TAX1BP1: variants seen among roughly 807,000 people sequenced by gnomAD.
The protein encoded by TAX1BP1 is Tax1 binding protein 1.
A neutral mutation model predicts 97.7 loss-of-function variants in TAX1BP1; 62 were observed. The observed-to-expected ratio is 0.63, with a 90% confidence interval of 0.52 to 0.78. The LOEUF (loss-of-function observed/expected upper bound fraction) is 0.78. Among genes scored for constraint, TAX1BP1 ranks in the 30% least tolerant of loss-of-function variants. The pLI is 0.00. For missense variants in TAX1BP1, 867 were observed against 916.1 expected (o/e 0.95, Z 0.69); for synonymous variants, 340 against 304.2 (o/e 1.12, Z -1.23).
At chr7:27,789,402 G>T (rs1474528575) in intron 8 of TAX1BP1, among the ~76,000 whole-genome samples, 1 of 151,270 alleles carries the variant, frequency 6.6e-6, no homozygotes, top group African/African-American at 2.4e-5. Context: ...TCTCTTCCTT[G>T]TTTTTTTAAA....
intron 9 of TAX1BP1, 110 bp downstream of exon 9, chr7:27,792,340 A>C (rs905963779): frequency 5.8e-6 from 6 of 1,028,144 alleles, no homozygotes; most frequent in Non-Finnish European, 8.4e-6. Flanking sequence ...CCTTATTTTA[A>C]ATTTAAAATT....
intron 11 of TAX1BP1, 50 bp downstream of exon 11, chr7:27,794,496 C>T: frequency 6.8e-7 from 1 of 1,481,200 alleles, no homozygotes; most frequent in East Asian, 2.4e-5. Context: ...TTGAAAAGTA[C>T]TTATACTGCC....
intron 4 of TAX1BP1, 134 bp from the exon 5 acceptor site, chr7:27,769,542 T>C (rs1209710896): frequency 3.0e-6 from 2 of 666,720 alleles, no homozygotes; most frequent in Non-Finnish European, 4.9e-6. Context: ...CTGATTGATA[T>C]AAAGTAGGTA....
At chr7:27,782,668 G>A (rs1175290010) in intron 5 of TAX1BP1, among the ~76,000 whole-genome samples, 1 of 152,142 alleles carries the variant, frequency 6.6e-6, no homozygotes, top group Non-Finnish European at 1.5e-5. Context: ...TTTGAGAAAA[G>A]CCAGATTAAG....
intron 4 of TAX1BP1, among the ~76,000 whole-genome samples, chr7:27,767,667 A>G (rs548659785): frequency 3.0e-4 from 46 of 152,226 alleles, no homozygotes; most frequent in African/African-American, 1.0e-3. Flanking sequence ...CTTTTTGAAT[A>G]CTTATTAGAC....
Position 27,794,393 on chromosome 7 carries a change from C to A in TAX1BP1, c.1481C>A (p.Thr494Lys). 6.2e-7 allele frequency: 1 copy of A among 1,613,214 alleles called. No homozygotes were observed. Among genetic ancestry groups the A allele is most frequent in the Non-Finnish European group, 8.5e-7 (1 of 1,179,554 alleles). Residue 494 changes from threonine to lysine, a missense_variant, in exon 11 of 17, where the codon ACA (threonine) becomes AAA (lysine). Physicochemically the swap from Thr to Lys is moderately conservative, Grantham distance 78. Coordinates refer to ENST00000396319, the MANE Select transcript of TAX1BP1 (RefSeq NM_006024.7). The stretch of plus-strand genomic sequence containing the variant: ...AAAGTGAATGATGCTTCAGTAAACA[C>A]AGACCCAGCCACTTCTGCCTCTACT... ...QQKVNDASVNTDPATSASTVD... is the reference protein window; with the variant it reads ...QQKVNDASVNKDPATSASTVD...
intron 4 of TAX1BP1, 26 bp from the exon 5 acceptor site, chr7:27,769,650 A>C: frequency 6.4e-7 from 1 of 1,560,172 alleles, no homozygotes; most frequent in Middle Eastern, 2.1e-4. Flanking sequence ...CAAAAAACTA[A>C]TTAATCTGAG....
At chr7:27,769,054 C>A (rs1788747304) in intron 4 of TAX1BP1, among the ~76,000 whole-genome samples, 1 of 151,676 alleles carries the variant, frequency 6.6e-6, no homozygotes, top group East Asian at 1.9e-4. Flanking sequence ...ATTAGCTGTT[C>A]CCATAAGAAT....
At chr7:27,769,491 T>G (rs1427799119) in intron 4 of TAX1BP1, among the ~76,000 whole-genome samples, 185 bp from the exon 5 acceptor site, 2 of 151,960 alleles carry the variant, frequency 1.3e-5, no homozygotes, top group Non-Finnish European at 2.9e-5. Flanking sequence ...AGGTTTAAAT[T>G]TATGATTGAT....
At chr7:27,766,896 A>C (rs1157193734) in intron 4 of TAX1BP1, among the ~76,000 whole-genome samples, 1 of 152,158 alleles carries the variant, frequency 6.6e-6, no homozygotes, top group Non-Finnish European at 1.5e-5. Context: ...TGTACTTCTG[A>C]TGAAATGAAT....
intron 15 of TAX1BP1, among the ~76,000 whole-genome samples, chr7:27,819,270 A>G (rs1210599730): frequency 6.6e-6 from 1 of 152,198 alleles, no homozygotes; most frequent in African/African-American, 2.4e-5. Flanking sequence ...CATTAAAAAA[A>G]AAAGAAAAAA....
chr7:27,803,915 A>G (rs2391486), intron 13 of TAX1BP1, among the ~76,000 whole-genome samples: 85,868 of 152,070 alleles, frequency 0.56, 24,504 homozygotes, highest in Non-Finnish European at 0.61. Flanking sequence ...TTTTTACTTT[A>G]AAGAACAATT....
At chr7:27,819,713 T>C (rs1380051264) in intron 15 of TAX1BP1, among the ~76,000 whole-genome samples, 7 of 152,188 alleles carry the variant, frequency 4.6e-5, no homozygotes, top group Non-Finnish European at 8.8e-5. Context: ...CCATCATAAG[T>C]TGAGGAAGGT....
At chr7:27,773,310 TC>T (rs1180121547) in intron 5 of TAX1BP1, among the ~76,000 whole-genome samples, 1 of 152,128 alleles carries the variant, frequency 6.6e-6, no homozygotes, top group East Asian at 1.9e-4. Context: ...CATTTGTGTA[TC>T]ATAAAGTTCA....
intron 13 of TAX1BP1, among the ~76,000 whole-genome samples, chr7:27,813,662 G>A (rs73075329): frequency 0.077 from 11,767 of 152,016 alleles, 653 homozygotes; most frequent in Middle Eastern, 0.12. Context: ...TTGAGATAGG[G>A]TCTCACTATG....
chr7:27,791,999 T>G lies in TAX1BP1; in HGVS notation c.1039-7T>G. ...GAATTACAAATATATTTATCTGCTT[T>G]CTTCAGGAAGATACTTGTTTTTTAA... is the stretch of plus-strand genomic sequence containing the variant. On this transcript the variant is annotated splice_region_variant and splice_polypyrimidine_tract_variant and intron_variant, in intron 8 of 16. Coordinates refer to ENST00000396319, the MANE Select transcript of TAX1BP1 (RefSeq NM_006024.7). 1 of 1,612,336 alleles carries G rather than the reference T, an allele frequency of 6.2e-7. No individual in the cohort carries two copies. The highest frequency in any genetic ancestry group is 8.5e-7 in the Non-Finnish European group (1 of 1,178,844).
At chr7:27,801,982 A>T (rs1420938057) in intron 13 of TAX1BP1, among the ~76,000 whole-genome samples, 1 of 152,180 alleles carries the variant, frequency 6.6e-6, no homozygotes, top group African/African-American at 2.4e-5. Flanking sequence ...ACTGGAGGGG[A>T]GGAGAAGCAG....
intron 5 of TAX1BP1, among the ~76,000 whole-genome samples, chr7:27,780,392 C>T (rs566902266): frequency 7.2e-4 from 110 of 152,294 alleles, no homozygotes; most frequent in Non-Finnish European, 9.1e-4. Context: ...AACTACTTAA[C>T]TTCTCTGTGG....
intron 13 of TAX1BP1, among the ~76,000 whole-genome samples, chr7:27,811,013 T>TA: frequency 6.6e-6 from 1 of 152,104 alleles, no homozygotes; most frequent in South Asian, 2.1e-4. Context: ...CGAGACCACT[T>TA]ACCACAATTA....
Sources: gnomAD v4.1 joint callset for allele counts (sites outside exome capture counted in the v4.1 genomes callset) on GRCh38, gnomAD v4.1.1 for gene constraint, MANE v1.5 for transcripts, NCBI Gene and HGNC (gene_info 2026-07-23, HGNC 2026-07-21) for gene names.